COL19A1: variants seen among roughly 807,000 people sequenced by gnomAD.
The protein encoded by COL19A1 is collagen type XIX alpha 1 chain.
A neutral mutation model predicts 190.2 loss-of-function variants in COL19A1; 159 were observed. That is an observed-to-expected ratio of 0.84 (90% CI 0.73 to 0.95). The LOEUF (loss-of-function observed/expected upper bound fraction) is 0.95. COL19A1 is among the 40% of genes least tolerant of loss of function. The probability of loss-of-function intolerance (pLI) is 0.00; values close to 1 mark genes in which losing one functional copy is unlikely to be tolerated. For synonymous variants in COL19A1, 509 were observed against 458.9 expected, an observed-to-expected ratio of 1.11 and a Z score of -1.39; for missense variants, 1,418 against 1,431.9, an observed-to-expected ratio of 0.99 and a Z score of 0.16.
At chr6:70,084,541 G>A (rs1782470175) in intron 15 of COL19A1, among the ~76,000 whole-genome samples, 1 of 152,234 alleles carries the variant, frequency 6.6e-6, no homozygotes, top group South Asian at 2.1e-4. Flanking sequence ...TGTCGTCAGA[G>A]AGAAGCCTGA....
intron 14 of COL19A1, among the ~76,000 whole-genome samples, chr6:70,045,658 T>A (rs142533979): frequency 4.5e-4 from 69 of 152,338 alleles, no homozygotes; most frequent in Admixed American, 1.7e-3. Context: ...GTATGTTTGG[T>A]TAGGAGTCAG....
At chr6:70,016,131 C>A (rs1778058991) in intron 11 of COL19A1, among the ~76,000 whole-genome samples, 1 of 12,566 alleles carries the variant, frequency 8.0e-5, no homozygotes, top group Non-Finnish European at 1.3e-4. Flanking sequence ...AAACCAAACA[C>A]CGCATATTCT....
chr6:70,114,065 G>A (rs1021963329), intron 16 of COL19A1, among the ~76,000 whole-genome samples: 1 of 151,872 alleles, frequency 6.6e-6, no homozygotes, highest in African/African-American at 2.4e-5. Flanking sequence ...TGCCCAAGCT[G>A]GTCTCGAACT....
intron 46 of COL19A1, among the ~76,000 whole-genome samples, chr6:70,187,500 C>CTCTTGGCAATCTTCCTTT (rs1172797133): frequency 0.023 from 10 of 434 alleles, 4 homozygotes; most frequent in Admixed American, 0.056. Flanking sequence ...TAATGAGATC[C>CTCTTGGCAATCTTCCTTT]AGGGGAAAGC....
chr6:70,168,560 G>A (rs1030363118), intron 39 of COL19A1, 95 bp from the exon 40 acceptor site: 28 of 1,107,830 alleles, frequency 2.5e-5, no homozygotes, highest in African/African-American at 1.9e-4. Flanking sequence ...GCTAATATTC[G>A]TATGTGTATT....
At chr6:69,942,153 A>G (rs749241729) in intron 9 of COL19A1, among the ~76,000 whole-genome samples, 9 of 152,200 alleles carry the variant, frequency 5.9e-5, no homozygotes, top group Non-Finnish European at 1.3e-4. Flanking sequence ...GTGAGAAAAG[A>G]TTTGAGAATA....
At chr6:70,065,718 G>A (rs1396230133) in intron 14 of COL19A1, among the ~76,000 whole-genome samples, 1 of 152,096 alleles carries the variant, frequency 6.6e-6, no homozygotes, top group Non-Finnish European at 1.5e-5. Flanking sequence ...ATCTGACAAA[G>A]GGCTAATATC....
rs141072197 is a variant in COL19A1 at position 70,161,853 on chromosome 6, C to T, written c.2293-47C>T. 2.7e-3 allele frequency: 4,034 copies of T among 1,510,752 alleles called. 27 individuals are homozygous for T. Among genetic ancestry groups the T allele is most frequent in the Middle Eastern group, 0.025 (146 of 5,758 alleles). The allele number at this position is 1,510,752 out of a possible 1,614,324, so 93.6% of individuals were successfully genotyped here. ...AATATTTGATTAACTAAAATGCCTT[C>T]TTCCCAATGATATAACAGATTTTAT... On this transcript the variant is annotated intron_variant, in intron 34 of 50. Transcript: ENST00000620364.
intron 27 of COL19A1, among the ~76,000 whole-genome samples, chr6:70,149,381 C>T (rs138386767): frequency 5.3e-5 from 8 of 152,210 alleles, no homozygotes; most frequent in African/African-American, 1.9e-4. Flanking sequence ...GCCAGTTACC[C>T]CTGTGGGTGG....
intron 15 of COL19A1, among the ~76,000 whole-genome samples, chr6:70,099,297 C>T (rs1369230931): frequency 6.6e-6 from 1 of 151,948 alleles, no homozygotes; most frequent in African/African-American, 2.4e-5. Flanking sequence ...CTGAAATGCT[C>T]CAAAATCCAA....
At chr6:70,156,868 G>A in intron 34 of COL19A1, 145 bp downstream of exon 34, 1 of 511,830 alleles carries the variant, frequency 2.0e-6, no homozygotes, top group Non-Finnish European at 3.3e-6. Flanking sequence ...TTAAAATGCT[G>A]ACAGATTTTA....
Position 70,190,388 on chromosome 6 carries a change from T to C in COL19A1, c.3094+7T>C. On this transcript the variant is annotated splice_region_variant and intron_variant, in intron 48 of 50. Coordinates refer to ENST00000620364, the MANE Select transcript of COL19A1 (RefSeq NM_001858.6). ...GTCCTAAGGATTTTTGAAGGTTAGA[T>C]TTTCTTAATAACATTTTCGAATTTT... 6.3e-7 allele frequency: 1 copy of C among 1,578,750 alleles called. No homozygotes were observed. The highest frequency in any genetic ancestry group is 8.7e-7 in the Non-Finnish European group (1 of 1,151,024).
chr6:70,125,230 G>T (rs1785124399), intron 17 of COL19A1, among the ~76,000 whole-genome samples: 1 of 152,168 alleles, frequency 6.6e-6, no homozygotes, highest in Non-Finnish European at 1.5e-5. Context: ...ACACTCCAAG[G>T]TTAAAATAAT....
chr6:69,939,489 A>G (rs1773314953), intron 9 of COL19A1, among the ~76,000 whole-genome samples: 1 of 152,136 alleles, frequency 6.6e-6, no homozygotes, highest in Non-Finnish European at 1.5e-5. Context: ...GCTTGTGGCC[A>G]AACTGGGATC....
intron 48 of COL19A1, among the ~76,000 whole-genome samples, chr6:70,199,065 G>A (rs895412142): frequency 1.3e-5 from 2 of 152,188 alleles, no homozygotes; most frequent in Non-Finnish European, 2.9e-5. Flanking sequence ...AAGCCACGAT[G>A]TCTTTTATGA....
At chr6:70,130,080 C>A (rs1006414557) in intron 17 of COL19A1, 102 bp from the exon 18 acceptor site, 6 of 1,191,306 alleles carry the variant, frequency 5.0e-6, no homozygotes, top group Middle Eastern at 2.0e-4. Context: ...CCATAAAAAG[C>A]GGTTACAGAA....
intron 26 of COL19A1, 54 bp from the exon 27 acceptor site, chr6:70,146,758 A>T: frequency 6.3e-7 from 1 of 1,591,812 alleles, no homozygotes; most frequent in East Asian, 2.2e-5. Flanking sequence ...AAAATACAGC[A>T]GAAAAATGTA....
chr6:69,963,810 T>C (rs1480402963), intron 11 of COL19A1, among the ~76,000 whole-genome samples: 2 of 152,220 alleles, frequency 1.3e-5, no homozygotes, highest in Non-Finnish European at 1.5e-5. Context: ...TGTTTTATTA[T>C]AATAAATAAC....
chr6:69,938,139 T>C (rs1216068861), intron 9 of COL19A1, 39 bp downstream of exon 9: 2 of 1,588,884 alleles, frequency 1.3e-6, no homozygotes, highest in Non-Finnish European at 1.7e-6. Context: ...AAACAGGGTT[T>C]TGTTAAAAAA....
Sources: gnomAD v4.1 joint callset for allele counts (sites outside exome capture counted in the v4.1 genomes callset) on GRCh38, gnomAD v4.1.1 for gene constraint, MANE v1.5 for transcripts, NCBI Gene and HGNC (gene_info 2026-07-23, HGNC 2026-07-21) for gene names.